The following RAP1GAP2 variants were observed in gnomAD, a reference collection of about 807,000 sequenced individuals.
The protein encoded by RAP1GAP2 is RAP1 GTPase activating protein 2, also known as rap1 GTPase-activating protein 2.
RAP1GAP2 carries 27 observed loss-of-function variants against 95.0 expected under a neutral mutation model. The ratio of observed to expected loss-of-function variants is 0.28; its 90% CI spans 0.21 to 0.39. The LOEUF is 0.39. RAP1GAP2 is among the 10% of genes least tolerant of loss of function. The pLI, the probability that RAP1GAP2 is intolerant of heterozygous loss-of-function variation, is 1.00. For missense variants in RAP1GAP2, 771 were observed against 970.0 expected, an observed-to-expected ratio of 0.79 and a Z score of 2.72; for synonymous variants, 373 against 380.9, an observed-to-expected ratio of 0.98 and a Z score of 0.24.
In RAP1GAP2 at chr17:2,797,656, AG is replaced by A. The variant is rs548015054; in HGVS notation, c.44+1092del. 4,975 of 977,760 alleles carry A rather than the reference AG, an allele frequency of 5.1e-3. 14 individuals carry two copies. The highest frequency in any genetic ancestry group is 5.6e-3 in the Non-Finnish European group (4,649 of 823,336). The allele number at this position is 977,760 out of a possible 1,614,324, so 60.6% of individuals were successfully genotyped here. A position where few individuals can be genotyped will look rare whatever the true frequency, so the allele number is the denominator to read the frequency against. ...AGCACTTTGCCATCCATCCTCTGGC[AG>A]GGGGGGACTGTGGGCACTCCATGTT... On this transcript the variant is annotated intron_variant, in intron 1 of 24. Coordinates refer to ENST00000254695, the MANE Select transcript of RAP1GAP2 (RefSeq NM_015085.5). This position sits in a 1 kb window ranked among gnomAD's most constrained non-coding sequence, Gnocchi z 5.6.
intron 1 of RAP1GAP2, among the ~76,000 whole-genome samples, chr17:2,781,190 A>G (rs1259449529): frequency 1.3e-5 from 2 of 152,200 alleles, no homozygotes; most frequent in African/African-American, 4.8e-5. Flanking sequence ...ATCCAGGATT[A>G]CTGGCCTCCT....
intron 2 of RAP1GAP2, among the ~76,000 whole-genome samples, chr17:2,771,028 C>G (rs1157936139): frequency 2.6e-5 from 4 of 152,092 alleles, no homozygotes; most frequent in Non-Finnish European, 4.4e-5. Context: ...GCCTGGGCAA[C>G]AGAGGGAGAC....
At chr17:2,806,203 A>C (rs1304325819) in intron 2 of RAP1GAP2, among the ~76,000 whole-genome samples, 1 of 152,120 alleles carries the variant, frequency 6.6e-6, no homozygotes, top group African/African-American at 2.4e-5. Flanking sequence ...TAACCAGCTA[A>C]GAATTGAAAA....
chr17:2,758,180 CCTT>C (rs968426928), intron 1 of RAP1GAP2, among the ~76,000 whole-genome samples: 13 of 138,876 alleles, frequency 9.4e-5, no homozygotes, highest in African/African-American at 3.0e-4. Context: ...CGCCCCCCCC[CCTT>C]TTTTTTTTTT....
intron 2 of RAP1GAP2, among the ~76,000 whole-genome samples, chr17:2,801,425 A>G (rs1157915685): frequency 1.3e-5 from 2 of 151,056 alleles, no homozygotes; most frequent in African/African-American, 4.9e-5. Context: ...CATTGAGCCG[A>G]GATCACACCA....
chr17:2,904,627 C>G lies in RAP1GAP2; in HGVS notation c.81-657C>G, dbSNP rs1471589602. ...GCGTTTCTCCCCTCCTCTTCTCACACCCAGCCCCAGTCCTGGATCTCTTTA... is the reference window on the plus strand; with the variant it reads ...GCGTTTCTCCCCTCCTCTTCTCACAGCCAGCCCCAGTCCTGGATCTCTTTA... On this transcript the variant is annotated intron_variant, in intron 2 of 24. Transcript: ENST00000254695. The surrounding 1 kb of genome is among the most constrained non-coding windows in gnomAD (Gnocchi z 4.7). Among the ~76,000 whole-genome samples, 2 of 150,362 alleles carry G rather than the reference C, an allele frequency of 1.3e-5. No homozygotes were observed. The highest frequency in any genetic ancestry group is 6.7e-5 in the Admixed American group (1 of 14,988).
At chr17:2,776,848 G>GGAA (rs1443538577), upstream of RAP1GAP2, among the ~76,000 whole-genome samples, 2 of 144,000 alleles carry the variant, frequency 1.4e-5, no homozygotes, top group Non-Finnish European at 3.1e-5. Context: ...AGGAGGAGGA[G>GGAA]GAGGAGGAGG....
In RAP1GAP2 at chr17:2,816,636, T is replaced by TTCCCAGGTTCATGCCATTCTCCTGCCTCA. The variant is rs1567674547; in HGVS notation, c.80+16086_80+16087insTCCCAGGTTCATGCCATTCTCCTGCCTCA. On this transcript the variant is annotated intron_variant, in intron 2 of 24. Coordinates refer to ENST00000254695, the MANE Select transcript of RAP1GAP2 (RefSeq NM_015085.5). ...TTACATCAAAGTCTTTTTAAAAAACTGTGTTAAAATATACATATTATAAAA... is the reference window on the plus strand; with the variant it reads ...TTACATCAAAGTCTTTTTAAAAAACTTCCCAGGTTCATGCCATTCTCCTGCCTCAGTGTTAAAATATACATATTATAAAA... 3.0e-4 allele frequency among the ~76,000 whole-genome samples: 39 copies of TTCCCAGGTTCATGCCATTCTCCTGCCTCA among 130,342 alleles called. 1 individual carries two copies. The highest frequency in any genetic ancestry group is 4.3e-4 in the East Asian group (2 of 4,662). The allele number at this position is 130,342 out of a possible 152,430, so 85.5% of individuals were successfully genotyped here.
At chr17:2,914,018 C>T (rs1040547787) in intron 3 of RAP1GAP2, among the ~76,000 whole-genome samples, 5 of 151,954 alleles carry the variant, frequency 3.3e-5, no homozygotes, top group African/African-American at 1.2e-4. Context: ...TTACAGGTGC[C>T]CACTACCACT....
chr17:2,958,600 G>A (rs1056050117), intron 4 of RAP1GAP2, among the ~76,000 whole-genome samples: 8 of 151,998 alleles, frequency 5.3e-5, no homozygotes, highest in Non-Finnish European at 5.9e-5. Flanking sequence ...ATCCCCATAG[G>A]ACAGGTGAGA....
intron 2 of RAP1GAP2, among the ~76,000 whole-genome samples, chr17:2,844,663 G>T (rs149643018): frequency 6.6e-6 from 1 of 152,120 alleles, no homozygotes; most frequent in African/African-American, 2.4e-5. Flanking sequence ...ACTTAATGTC[G>T]GGGTGGGAAG....
At chr17:2,790,670 T>C (rs994502812) in intron 1 of RAP1GAP2, among the ~76,000 whole-genome samples, 1 of 152,238 alleles carries the variant, frequency 6.6e-6, no homozygotes, top group African/African-American at 2.4e-5. Flanking sequence ...ATCTGTTTCC[T>C]GAGCTTCCTG....
intron 10 of RAP1GAP2, among the ~76,000 whole-genome samples, chr17:2,982,327 C>T (rs539756223): frequency 1.3e-3 from 197 of 152,278 alleles, no homozygotes; most frequent in African/African-American, 4.1e-3. Context: ...TTAGTAGAGA[C>T]GGGCGTTTCA....
In RAP1GAP2 at chr17:2,902,483, T is replaced by C. The variant is rs922217067; in HGVS notation, c.81-2801T>C. Among the ~76,000 whole-genome samples, 4 of 152,172 alleles carry C rather than the reference T, an allele frequency of 2.6e-5. No individual in the cohort carries two copies. Among genetic ancestry groups the C allele is most frequent in the African/African-American group, 9.6e-5 (4 of 41,452 alleles). On this transcript the variant is annotated intron_variant, in intron 2 of 24. Coordinates refer to ENST00000254695, the MANE Select transcript of RAP1GAP2 (RefSeq NM_015085.5). This position sits in a 1 kb window ranked among gnomAD's most constrained non-coding sequence, Gnocchi z 4.1. ...CCACCCCCGTCTCAGCCTCCCAAAA[T>C]GGTGGGATTACAGGCATGAGCCACC...
At chr17:2,983,397 G>A (rs1427756613) in intron 10 of RAP1GAP2, among the ~76,000 whole-genome samples, 1 of 152,086 alleles carries the variant, frequency 6.6e-6, no homozygotes, top group African/African-American at 2.4e-5. Flanking sequence ...TCATTCAAGT[G>A]CGTTGACATG....
chr17:2,836,146 G>A (rs1405669117), intron 2 of RAP1GAP2, among the ~76,000 whole-genome samples: 1 of 152,100 alleles, frequency 6.6e-6, no homozygotes, highest in Non-Finnish European at 1.5e-5. Context: ...TGAGTGGTGT[G>A]GTCGTCCCCC....
At position 2,995,618 on chromosome 17, in the gene RAP1GAP2, G is replaced by A. The variant is rs1299340117; in HGVS notation, c.1044+152G>A. On this transcript the variant is annotated intron_variant, in intron 13 of 24. Transcript: ENST00000254695. ...GCGCAGCAGCGTCACAGTCCGTTCT[G>A]CTGTGTTTCTGGCCGAGGCTGTGCC... Among the ~76,000 whole-genome samples the A allele has an allele frequency of 2.0e-5, 3 of 152,326 alleles. No homozygotes were observed. The East Asian group carries it at 5.8e-4, about 29-fold the overall frequency.
At position 2,886,374 on chromosome 17, in the gene RAP1GAP2, C is replaced by T. The variant is rs560763653; in HGVS notation, c.81-18910C>T. Among the ~76,000 whole-genome samples, 16 of 151,978 alleles carry T rather than the reference C, an allele frequency of 1.1e-4. No individual in the cohort carries two copies. The South Asian group carries it at 2.3e-3, about 22-fold the overall frequency. ...TTTTAGTAGAGATGAGGTTCCACCA[C>T]GTTATCCAGGCTGGTCTCGAACTTC... On this transcript the variant is annotated intron_variant, in intron 2 of 24. Transcript: ENST00000254695.
intron 8 of RAP1GAP2, among the ~76,000 whole-genome samples, chr17:2,977,599 G>C (rs994466805): frequency 6.6e-6 from 1 of 151,950 alleles, no homozygotes; most frequent in Admixed American, 6.5e-5. Context: ...ATAAAAATTA[G>C]CTGGGCGTGG....
Sources: gnomAD v4.1 joint callset for allele counts (sites outside exome capture counted in the v4.1 genomes callset) on GRCh38, gnomAD v4.1.1 for gene constraint, Gnocchi (gnomAD v3.1) non-coding constraint, MANE v1.5 for transcripts, NCBI Gene and HGNC (gene_info 2026-07-23, HGNC 2026-07-21) for gene names.